STK24: variants seen among roughly 807,000 people sequenced by gnomAD.
STK24 encodes the protein serine/threonine kinase 24, also known as serine/threonine-protein kinase 24.
A neutral mutation model predicts 55.6 loss-of-function variants in STK24; 21 were observed. That is an observed-to-expected ratio of 0.38 (90% CI 0.27 to 0.54). The LOEUF (loss-of-function observed/expected upper bound fraction) is 0.54. STK24 is among the 20% of genes least tolerant of loss of function. The pLI is 0.79. For missense variants in STK24, 383 were observed against 538.4 expected, an observed-to-expected ratio of 0.71 and a Z score of 2.86; for synonymous variants, 200 against 215.2, an observed-to-expected ratio of 0.93 and a Z score of 0.62.
In STK24 at chr13:98,451,618, T is replaced by C. The variant is rs905030096; in HGVS notation, c.*1555A>G. 1.3e-5 allele frequency: 2 copies of C among 152,206 alleles called. No individual in the cohort carries two copies. Among genetic ancestry groups the C allele is most frequent in the African/African-American group, 4.8e-5 (2 of 41,442 alleles). The allele number at this position is 152,206 out of a possible 1,614,324, so 9.4% of individuals were successfully genotyped here. A position where few individuals can be genotyped will look rare whatever the true frequency, so the allele number is the denominator to read the frequency against. ...GCTTAGAGGCCACTAGACCAGCAGA[T>C]AGCTGAGCTACATCCCCAAGCTCAC... On this transcript the variant is annotated 3_prime_UTR_variant, in exon 11 of 11. Coordinates refer to ENST00000539966, the MANE Select transcript of STK24 (RefSeq NM_001032296.4).
chr13:98,521,582 G>A (rs764511960), intron 1 of STK24, among the ~76,000 whole-genome samples: 1 of 152,058 alleles, frequency 6.6e-6, no homozygotes, highest in Admixed American at 6.5e-5. Flanking sequence ...CAGAATGCCC[G>A]GGTGGGTACC....
At chr13:98,550,447 T>G (rs1359973997) in intron 1 of STK24, among the ~76,000 whole-genome samples, 1 of 152,178 alleles carries the variant, frequency 6.6e-6, no homozygotes, top group Non-Finnish European at 1.5e-5. Flanking sequence ...GAGGATCGCC[T>G]GCGCCTGGGA....
At chr13:98,576,231 C>G (rs1238003429) in intron 1 of STK24, 1 of 985,386 alleles carries the variant, frequency 1.0e-6, no homozygotes, top group African/African-American at 1.7e-5. Flanking sequence ...CTGCCTACTC[C>G]GCTCGGGCCC....
intron 3 of STK24, among the ~76,000 whole-genome samples, chr13:98,477,883 T>C (rs544239457): frequency 6.6e-6 from 1 of 152,188 alleles, no homozygotes; most frequent in Admixed American, 6.5e-5. Flanking sequence ...GGAACACTCA[T>C]GGAAAATCCT....
rs527830416 is a variant in STK24, at chr13:98,559,191, T to G, written c.42+17554A>C. Among the ~76,000 whole-genome samples, 7 of 150,930 alleles carry G rather than the reference T, an allele frequency of 4.6e-5. No individual in the cohort carries two copies. The East Asian group carries it at 1.2e-3, about 25-fold the overall frequency. On this transcript the variant is annotated intron_variant, in intron 1 of 10. Coordinates refer to ENST00000539966, the MANE Select transcript of STK24 (RefSeq NM_001032296.4). ...TCCGTCTCAAAAAAAAAGAAAAAAG[T>G]GTATTAATATATCCCTGATATGGTT...
rs147859818 is a variant in STK24, at chr13:98,473,500, G to T, written c.597+1321C>A. ...GAATGGACTAAACATGTAAGTTCCT[G>T]GTCGAGTCCCAAAATTACATGACCC... On this transcript the variant is annotated intron_variant, in intron 5 of 10. Transcript: ENST00000539966. Among the ~76,000 whole-genome samples the T allele has an allele frequency of 4.1e-4, 63 of 151,988 alleles. 2 individuals carry two copies. In the East Asian group the frequency reaches 0.012, roughly 28 times the overall value.
intron 1 of STK24, among the ~76,000 whole-genome samples, chr13:98,533,473 A>C (rs1438420009): frequency 6.6e-6 from 1 of 152,002 alleles, no homozygotes; most frequent in Non-Finnish European, 1.5e-5. Context: ...AATACTTAAG[A>C]TAGAAATGCT....
chr13:98,571,072 C>T (rs977550879), intron 1 of STK24, among the ~76,000 whole-genome samples: 1 of 152,134 alleles, frequency 6.6e-6, no homozygotes, highest in Non-Finnish European at 1.5e-5. Context: ...TCTGAATCAT[C>T]GGGAGTAATC....
chr13:98,485,656 T>C (rs1332711721), intron 2 of STK24, among the ~76,000 whole-genome samples: 1 of 152,200 alleles, frequency 6.6e-6, no homozygotes, highest in East Asian at 1.9e-4. Flanking sequence ...AAACTGTAAG[T>C]TTCTCCCAAA....
intron 2 of STK24, chr13:98,508,729 G>A (rs1455503146): frequency 2.6e-5 from 4 of 152,158 alleles, no homozygotes; most frequent in African/African-American, 9.7e-5. Context: ...TCTCAGAAAA[G>A]GTGGTCTTAA....
chr13:98,448,317 A>G lies in STK24; in HGVS notation c.*4856T>C. On this transcript the variant is annotated 3_prime_UTR_variant, in exon 11 of 11. Transcript: ENST00000539966. ...GTCACAAAGAGTCTCTTGTGTATTG[A>G]TGGCCGGACACACTCGTTTCCGCAG... is the stretch of plus-strand genomic sequence containing the variant. 3 of 1,610,220 alleles carry G rather than the reference A, an allele frequency of 1.9e-6. No homozygotes were observed. The highest frequency in any genetic ancestry group is 2.6e-6 in the Non-Finnish European group (3 of 1,176,426).
chr13:98,570,545 C>T (rs1056070990), intron 1 of STK24, among the ~76,000 whole-genome samples: 2 of 152,060 alleles, frequency 1.3e-5, no homozygotes, highest in African/African-American at 2.4e-5. Context: ...ACCAACAGAG[C>T]GCAGAACAGA....
chr13:98,446,464 T>C lies in STK24; in HGVS notation c.*6709A>G, dbSNP rs1892841904. On this transcript the variant is annotated 3_prime_UTR_variant, in exon 11 of 11. Coordinates refer to ENST00000539966, the MANE Select transcript of STK24 (RefSeq NM_001032296.4). ...CTGGACAAGGGACGGGGGTTGGCTT[T>C]ATCTACAGCTCAGTCCTGGCGGGAC... The C allele has an allele frequency of 9.7e-6, 6 of 616,868 alleles. No homozygotes were observed. Among genetic ancestry groups the C allele is most frequent in the Non-Finnish European group, 1.7e-5 (6 of 351,596 alleles). The allele number at this position is 616,868 out of a possible 1,614,324, so 38.2% of individuals were successfully genotyped here. A position where few individuals can be genotyped will look rare whatever the true frequency, so the allele number is the denominator to read the frequency against.
chr13:98,576,258 G>A (rs1329102457), intron 1 of STK24: 1 of 976,042 alleles, frequency 1.0e-6, no homozygotes, highest in Non-Finnish European at 1.2e-6. Context: ...GTCCAGGCGC[G>A]CTCCCCGTCC....
chr13:98,456,776 A>C, intron 10 of STK24: 1 of 351,196 alleles, frequency 2.8e-6, no homozygotes, highest in East Asian at 7.5e-5. Flanking sequence ...ACCACACCAA[A>C]GCTGCTGTCA....
Position 98,448,167 on chromosome 13 carries a change from C to T in STK24, c.*5006G>A, listed in dbSNP as rs543967706. ...TGACTTCACCTTGTGTTTCTGTAAG[C>T]GATGCCCACCAAAGTGTCAGGAGTC... On this transcript the variant is annotated 3_prime_UTR_variant, in exon 11 of 11. Coordinates refer to ENST00000539966, the MANE Select transcript of STK24 (RefSeq NM_001032296.4). 11 of 1,319,226 alleles carry T rather than the reference C, an allele frequency of 8.3e-6. No individual in the cohort carries two copies. The East Asian group carries it at 9.2e-5, about 11-fold the overall frequency. 81.7% of individuals were successfully genotyped at this position (1,319,226 alleles called of 1,614,324 possible). A position where few individuals can be genotyped will look rare whatever the true frequency, so the allele number is the denominator to read the frequency against.
intron 1 of STK24, among the ~76,000 whole-genome samples, chr13:98,538,531 T>G (rs888787182): frequency 1.3e-5 from 2 of 151,292 alleles, no homozygotes; most frequent in African/African-American, 4.9e-5. Flanking sequence ...TGGTGCCTAT[T>G]TTTAATCCCT....
rs75094238 is a variant in STK24, at chr13:98,486,394, C to T, written c.274-4073G>A. ...TGCCTCCAATGAGATCCCAAAGAATCGTTTCTACCACTACCAATCCTAAGG... is the reference window on the plus strand; with the variant it reads ...TGCCTCCAATGAGATCCCAAAGAATTGTTTCTACCACTACCAATCCTAAGG... On this transcript the variant is annotated intron_variant, in intron 2 of 10. Transcript: ENST00000539966. Among the ~76,000 whole-genome samples, 239 of 152,226 alleles carry T rather than the reference C, an allele frequency of 1.6e-3. 3 individuals carry two copies. Among genetic ancestry groups the T allele is most frequent in the African/African-American group, 5.4e-3 (226 of 41,524 alleles).
Position 98,474,903 on chromosome 13 carries a change from G to A in STK24, c.515C>T (p.Thr172Ile). ...DFGVAGQLTD[T>I]QIKRNTFVGT... Reference sequence around the variant, plus strand: ...CACGAAGGTGTTCCTTTTGATCTGGGTGTCTGTCAGCTGGCCAGCCACGCC... The same window carrying A: ...CACGAAGGTGTTCCTTTTGATCTGGATGTCTGTCAGCTGGCCAGCCACGCC... The change falls in exon 5 of 11, where the codon ACC (threonine) becomes ATC (isoleucine). Residue 172 changes from threonine (T) to isoleucine (I), a missense_variant. By Grantham distance (89) the Thr-to-Ile change is moderately conservative. Coordinates refer to ENST00000539966, the MANE Select transcript of STK24 (RefSeq NM_001032296.4). 1 of 1,614,110 alleles carries A rather than the reference G, an allele frequency of 6.2e-7. No individual in the cohort carries two copies. Among genetic ancestry groups the A allele is most frequent in the Non-Finnish European group, 8.5e-7 (1 of 1,180,026 alleles).
Sources: gnomAD v4.1 joint callset for allele counts (sites outside exome capture counted in the v4.1 genomes callset) on GRCh38, gnomAD v4.1.1 for gene constraint, MANE v1.5 for transcripts, NCBI Gene and HGNC (gene_info 2026-07-23, HGNC 2026-07-21) for gene names.